M1AP: variants seen among roughly 807,000 people sequenced by gnomAD.
M1AP encodes the protein meiosis 1 arrest protein.
A neutral mutation model predicts 51.2 loss-of-function variants in M1AP; 39 were observed. The ratio of observed to expected loss-of-function variants is 0.76; its 90% CI spans 0.59 to 1.00. The LOEUF (loss-of-function observed/expected upper bound fraction) is 1.00. Ranked by LOEUF, M1AP falls within the 50% of genes least tolerant of loss-of-function variation. The pLI, the probability that M1AP is intolerant of heterozygous loss-of-function variation, is 0.00. For missense variants in M1AP, 545 were observed against 641.2 expected (o/e 0.85, Z 1.62); for synonymous variants, 251 against 249.2 (o/e 1.01, Z -0.07).
intron 3 of M1AP, among the ~76,000 whole-genome samples, chr2:74,611,880 G>GTTT (rs774059491): frequency 2.0e-4 from 12 of 60,346 alleles, no homozygotes; most frequent in South Asian, 7.0e-4. Context: ...CAACAAAAAA[G>GTTT]TGTTTTTTTT....
Position 74,581,692 on chromosome 2 carries a change from T to C in M1AP, c.751A>G (p.Arg251Gly), listed in dbSNP as rs536549427. 8.7e-6 allele frequency: 14 copies of C among 1,613,904 alleles called. No individual in the cohort carries two copies. The highest frequency in any genetic ancestry group is 3.3e-5 in the Admixed American group (2 of 59,982). The change falls in exon 5 of 11, where the codon AGA becomes GGA. Residue 251 changes from arginine (R) to glycine (G), a missense_variant. Transcript: ENST00000421985. ...LSSQCFSNIS[R>G]PRDNPMCLKC... ...TATGTACTTGGATTATCTCTGGGTCTGGAAATGTTGCTGAAACACTGTGAA... is the reference window on the plus strand; with the variant it reads ...TATGTACTTGGATTATCTCTGGGTCCGGAAATGTTGCTGAAACACTGTGAA...
chr2:74,615,947 G>A (rs932537413), intron 2 of M1AP: 6 of 152,196 alleles, frequency 3.9e-5, no homozygotes, highest in Non-Finnish European at 2.9e-5. Context: ...GCAGAACTGA[G>A]TGATATCTGT....
At chr2:74,600,368 T>G (rs144428599) in intron 4 of M1AP, among the ~76,000 whole-genome samples, 1 of 152,240 alleles carries the variant, frequency 6.6e-6, no homozygotes, top group African/African-American at 2.4e-5. Flanking sequence ...TGGCTTTAGT[T>G]CACATATCTT....
At chr2:74,600,260 T>C (rs1415698388) in intron 4 of M1AP, among the ~76,000 whole-genome samples, 1 of 152,206 alleles carries the variant, frequency 6.6e-6, no homozygotes, top group African/African-American at 2.4e-5. Flanking sequence ...AGATAATATG[T>C]AGAAACTATT....
chr2:74,574,382 T>C (rs1678929804), intron 7 of M1AP, among the ~76,000 whole-genome samples: 1 of 152,178 alleles, frequency 6.6e-6, no homozygotes, highest in Non-Finnish European at 1.5e-5. Context: ...GTTCTGACAA[T>C]CTTCTCTCTA....
At chr2:74,561,060 A>AGGGGAG (rs1558643436) in intron 8 of M1AP, among the ~76,000 whole-genome samples, 2 of 85,216 alleles carry the variant, frequency 2.3e-5, no homozygotes, top group Non-Finnish European at 4.9e-5. Flanking sequence ...GTGGAGGAGG[A>AGGGGAG]GGGGAGGAGG....
At chr2:74,558,953 T>A in intron 10 of M1AP, 79 bp from the exon 11 acceptor site, 1 of 1,359,430 alleles carries the variant, frequency 7.4e-7, no homozygotes, top group Non-Finnish European at 9.8e-7. Flanking sequence ...GGGCTTCCTG[T>A]CCTAACTCTT....
intron 7 of M1AP, among the ~76,000 whole-genome samples, chr2:74,569,825 G>A (rs1678615941): frequency 6.6e-6 from 1 of 152,128 alleles, no homozygotes; most frequent in Non-Finnish European, 1.5e-5. Context: ...ATGGCTGAGA[G>A]AGGGAGGAAG....
intron 10 of M1AP, 29 bp from the exon 11 acceptor site, chr2:74,558,903 T>C: frequency 1.3e-6 from 2 of 1,560,486 alleles, no homozygotes; most frequent in Non-Finnish European, 1.7e-6. Context: ...GAGCCTTCTC[T>C]GAAGATCAGA....
At chr2:74,572,854 G>T (rs950252767) in intron 7 of M1AP, among the ~76,000 whole-genome samples, 2 of 152,166 alleles carry the variant, frequency 1.3e-5, no homozygotes, top group African/African-American at 4.8e-5. Flanking sequence ...CCTTTTCCAA[G>T]ACAGAAGACT....
chr2:74,618,458 C>G (rs1681800084), intron 2 of M1AP, among the ~76,000 whole-genome samples: 1 of 152,196 alleles, frequency 6.6e-6, no homozygotes, highest in South Asian at 2.1e-4. Flanking sequence ...TAATGCTCTT[C>G]AGACTGTAGC....
chr2:74,646,756 A>T (rs779599768), intron 1 of M1AP, among the ~76,000 whole-genome samples: 1 of 152,206 alleles, frequency 6.6e-6, no homozygotes, highest in African/African-American at 2.4e-5. Context: ...ACATTTCCCT[A>T]TACAGTTAGT....
chr2:74,608,246 T>G (rs1369912708), intron 3 of M1AP, among the ~76,000 whole-genome samples: 1 of 152,220 alleles, frequency 6.6e-6, no homozygotes, highest in African/African-American at 2.4e-5. Context: ...TATTCATCCC[T>G]CCTTCTCCTC....
intron 2 of M1AP, among the ~76,000 whole-genome samples, chr2:74,637,808 T>G (rs1372391099): frequency 6.6e-6 from 1 of 152,190 alleles, no homozygotes; most frequent in Non-Finnish European, 1.5e-5. Flanking sequence ...TGGCTCCTTC[T>G]TTGGCCTTGG....
chr2:74,616,674 G>A (rs1205382475), intron 2 of M1AP, among the ~76,000 whole-genome samples: 1 of 152,046 alleles, frequency 6.6e-6, no homozygotes, highest in Non-Finnish European at 1.5e-5. Context: ...GCTCTAAGGG[G>A]CACTCTAGAT....
At chr2:74,614,188 G>A (rs977527159) in intron 3 of M1AP, among the ~76,000 whole-genome samples, 2 of 152,216 alleles carry the variant, frequency 1.3e-5, no homozygotes, top group Admixed American at 6.5e-5. Flanking sequence ...GTTCCAGTAT[G>A]TTGTGATTCT....
chr2:74,564,642 T>C (rs1001810218), intron 7 of M1AP, among the ~76,000 whole-genome samples: 4 of 152,204 alleles, frequency 2.6e-5, no homozygotes, highest in African/African-American at 9.6e-5. Flanking sequence ...CAAATCCAAA[T>C]GTGCAGGAAA....
At chr2:74,565,761 G>A (rs1252763356) in intron 7 of M1AP, among the ~76,000 whole-genome samples, 2 of 151,548 alleles carry the variant, frequency 1.3e-5, no homozygotes, top group East Asian at 2.0e-4. Context: ...CCCAGGAGGC[G>A]GAGGTTGCAG....
chr2:74,588,819 G>C (rs1439500322), intron 4 of M1AP, among the ~76,000 whole-genome samples: 1 of 152,210 alleles, frequency 6.6e-6, no homozygotes, highest in Non-Finnish European at 1.5e-5. Flanking sequence ...ACTCTTCTCA[G>C]AGAGAGAGAA....
Sources: allele counts gnomAD v4.1 joint callset (sites outside exome capture counted in the v4.1 genomes callset), GRCh38; gene constraint gnomAD v4.1.1; transcripts MANE v1.5; gene names NCBI Gene and HGNC (gene_info 2026-07-23, HGNC 2026-07-21).